HS3ST1: variants seen among roughly 807,000 people sequenced by gnomAD.
The protein encoded by HS3ST1 is heparan sulfate glucosamine 3-O-sulfotransferase 1.
HS3ST1 carries 8 observed loss-of-function variants against 20.7 expected under a neutral mutation model. That is an observed-to-expected ratio of 0.39 (90% CI 0.23 to 0.70). The LOEUF (loss-of-function observed/expected upper bound fraction) is 0.70. HS3ST1 is among the 30% of genes least tolerant of loss of function. HS3ST1 has a pLI of 0.46. For synonymous variants in HS3ST1, 205 were observed against 190.4 expected (o/e 1.08, Z -0.63); for missense variants, 436 against 423.4 (o/e 1.03, Z -0.26).
chr4:11,398,899 C>T lies in HS3ST1; in HGVS notation c.*183G>A. 3.7e-6 allele frequency: 2 copies of T among 540,080 alleles called. No individual in the cohort carries two copies. Among genetic ancestry groups the T allele is most frequent in the South Asian group, 3.2e-5 (1 of 31,414 alleles). The allele number at this position is 540,080 out of a possible 1,614,324, so 33.5% of individuals were successfully genotyped here. A position where few individuals can be genotyped will look rare whatever the true frequency, so the allele number is the denominator to read the frequency against. The stretch of plus-strand genomic sequence containing the variant: ...CATGAAAAACAATACAAAATGCCCT[C>T]CATTTAACAAGTAGAAAAATATAAC... On this transcript the variant is annotated 3_prime_UTR_variant, in exon 2 of 2. Transcript: ENST00000002596.
chr4:11,415,477 A>G (rs1341086038), intron 1 of HS3ST1, among the ~76,000 whole-genome samples: 1 of 152,266 alleles, frequency 6.6e-6, no homozygotes, highest in African/African-American at 2.4e-5. Flanking sequence ...TAATAGCTCA[A>G]TGATATTAAC....
rs965092551 is a variant in HS3ST1 at position 11,398,236 on chromosome 4, A to T, written c.*846T>A. 6.6e-6 allele frequency: 1 copy of T among 152,234 alleles called. No homozygotes were observed. The highest frequency in any genetic ancestry group is 2.1e-4 in the South Asian group (1 of 4,828). The allele number at this position is 152,234 out of a possible 1,614,324, so 9.4% of individuals were successfully genotyped here. Reference sequence around the variant, plus strand: ...CTAAGCAAAAGACTACTACCCTTTTAGTCAGCCTTTCACAGAACCGACAGG... The same window carrying T: ...CTAAGCAAAAGACTACTACCCTTTTTGTCAGCCTTTCACAGAACCGACAGG... On this transcript the variant is annotated 3_prime_UTR_variant, in exon 2 of 2. Transcript: ENST00000002596.
At chr4:11,432,159 A>T (rs1719218527), upstream of HS3ST1, among the ~76,000 whole-genome samples, 1 of 152,088 alleles carries the variant, frequency 6.6e-6, no homozygotes, top group Non-Finnish European at 1.5e-5. Context: ...GGAGGTCAGG[A>T]AAAGGGGAGA....
chr4:11,432,566 T>G (rs1021580571), upstream of HS3ST1, among the ~76,000 whole-genome samples: 1 of 152,216 alleles, frequency 6.6e-6, no homozygotes, highest in African/African-American at 2.4e-5. Flanking sequence ...GTAAAACTTA[T>G]GAGAGCAGAT....
chr4:11,407,676 G>A (rs1718506983), intron 1 of HS3ST1, among the ~76,000 whole-genome samples: 1 of 152,212 alleles, frequency 6.6e-6, no homozygotes, highest in South Asian at 2.1e-4. Flanking sequence ...CGCATGAGAG[G>A]TAACTAAAGA....
intron 1 of HS3ST1, among the ~76,000 whole-genome samples, chr4:11,424,094 C>G (rs1294345057): frequency 6.6e-6 from 1 of 151,580 alleles, no homozygotes; most frequent in African/African-American, 2.4e-5. Flanking sequence ...CCTGAAGTCC[C>G]GCCTGCAGCC....
intron 1 of HS3ST1, among the ~76,000 whole-genome samples, chr4:11,408,869 G>T (rs532133921): frequency 1.1e-4 from 17 of 152,350 alleles, no homozygotes; most frequent in Admixed American, 7.8e-4. Context: ...GTATGACTGA[G>T]CCTCTGAGAG....
At chr4:11,411,323 T>G (rs1718628434) in intron 1 of HS3ST1, among the ~76,000 whole-genome samples, 1 of 152,180 alleles carries the variant, frequency 6.6e-6, no homozygotes, top group African/African-American at 2.4e-5. Context: ...TAGCACTAAA[T>G]AAAGCAATAG....
chr4:11,395,604 A>C lies in HS3ST1; in HGVS notation c.*3478T>G, dbSNP rs1718114995. ...GTGGTTCTCTTGCCTCAGTGTCCTG[A>C]GTAGCTGGGATTACAGGCACTCGCC... On this transcript the variant is annotated 3_prime_UTR_variant, in exon 2 of 2. Coordinates refer to ENST00000002596, the MANE Select transcript of HS3ST1 (RefSeq NM_005114.4). The C allele has an allele frequency of 6.7e-6, 1 of 149,896 alleles. No homozygotes were observed. The highest frequency in any genetic ancestry group is 1.5e-5 in the Non-Finnish European group (1 of 67,890). The allele number at this position is 149,896 out of a possible 1,614,324, so 9.3% of individuals were successfully genotyped here.
chr4:11,429,820 G>A, upstream of HS3ST1: 1 of 151,764 alleles, frequency 6.6e-6, no homozygotes, highest in East Asian at 1.9e-4. Context: ...GGTTTTGAGG[G>A]GCGTGGGGTT....
chr4:11,399,385 G>C lies in HS3ST1; in HGVS notation c.621C>G (p.Phe207Leu), dbSNP rs139094851. 49 of 1,613,902 alleles carry C rather than the reference G, an allele frequency of 3.0e-5. No individual in the cohort carries two copies. The highest frequency in any genetic ancestry group is 4.1e-5 in the Non-Finnish European group (48 of 1,180,014). ...HVHMQNWLRFFPLRHIHIVDG... is the reference protein window; with the variant it reads ...HVHMQNWLRFLPLRHIHIVDG... ...CCACAATGTGGATGTGGCGCAGCGG[G>C]AAAAAGCGCAGCCAGTTCTGCATGT... The change falls in exon 2 of 2, where the codon TTC becomes TTG. Residue 207 changes from phenylalanine (F) to leucine (L), a missense_variant. By Grantham distance (22) the Phe-to-Leu change is conservative. Transcript: ENST00000002596. The surrounding 1 kb of genome is among the most constrained non-coding windows in gnomAD (Gnocchi z 5.1).
intron 1 of HS3ST1, among the ~76,000 whole-genome samples, chr4:11,408,578 A>T (rs1718532693): frequency 6.6e-6 from 1 of 152,192 alleles, no homozygotes; most frequent in South Asian, 2.1e-4. Flanking sequence ...GTGGTGAGGC[A>T]GGCCCCAGTG....
chr4:11,418,769 C>G (rs1371741679), intron 1 of HS3ST1, among the ~76,000 whole-genome samples: 1 of 152,200 alleles, frequency 6.6e-6, no homozygotes, highest in South Asian at 2.1e-4. Context: ...GCACCATGGC[C>G]TGTCCCTCCA....
intron 1 of HS3ST1, among the ~76,000 whole-genome samples, chr4:11,407,667 G>T (rs112037433): frequency 3.3e-5 from 5 of 152,330 alleles, no homozygotes; most frequent in Admixed American, 6.5e-5. Flanking sequence ...TAAAAAATTC[G>T]CATGAGAGGT....
chr4:11,404,694 A>T (rs371753893), intron 1 of HS3ST1, among the ~76,000 whole-genome samples: 7 of 152,226 alleles, frequency 4.6e-5, no homozygotes, highest in East Asian at 3.8e-4. Flanking sequence ...GTAAAAGTAA[A>T]CAAATGGGAC....
intron 1 of HS3ST1, among the ~76,000 whole-genome samples, chr4:11,402,081 G>A (rs1387970418): frequency 1.3e-5 from 2 of 152,186 alleles, no homozygotes; most frequent in Admixed American, 1.3e-4. Context: ...TCTTTTGTAC[G>A]GTAGTTTCAA....
chr4:11,428,564 C>G (rs1313454668), intron 1 of HS3ST1, 135 bp downstream of exon 1: 1 of 152,680 alleles, frequency 6.5e-6, no homozygotes, highest in East Asian at 1.9e-4. Flanking sequence ...CCCTCTGCAT[C>G]CACTCCACCT....
At chr4:11,429,242 T>A (rs1201081140), upstream of HS3ST1, 2 of 152,534 alleles carry the variant, frequency 1.3e-5, no homozygotes, top group African/African-American at 4.8e-5. Context: ...GTGAGGCTGC[T>A]GGGATGGGTG....
intron 1 of HS3ST1, among the ~76,000 whole-genome samples, chr4:11,422,386 A>T (rs1427131009): frequency 6.6e-6 from 1 of 152,168 alleles, no homozygotes; most frequent in East Asian, 1.9e-4. Context: ...TTCTGGTGGG[A>T]GAGTGTGAGA....
Sources: allele counts gnomAD v4.1 joint callset (sites outside exome capture counted in the v4.1 genomes callset), GRCh38; gene constraint gnomAD v4.1.1; non-coding constraint Gnocchi (gnomAD v3.1); transcripts MANE v1.5; gene names NCBI Gene and HGNC (gene_info 2026-07-23, HGNC 2026-07-21).